Variants in BICC1 observed in about 807,000 individuals in gnomAD.
BICC1 encodes the protein protein bicaudal C homolog 1.
Under a neutral mutation model 111.0 loss-of-function variants are expected in BICC1, and 43 were observed. The ratio of observed to expected loss-of-function variants is 0.39; its 90% confidence interval spans 0.30 to 0.50. The LOEUF (loss-of-function observed/expected upper bound fraction) is 0.50. Ranked by LOEUF, BICC1 falls within the 20% of genes least tolerant of loss-of-function variation. The pLI is 0.88. For missense variants in BICC1, 1,091 were observed against 1,203.2 expected (o/e 0.91, Z 1.38); for synonymous variants, 467 against 434.4 (o/e 1.07, Z -0.93).
intron 2 of BICC1, among the ~76,000 whole-genome samples, chr10:58,669,577 G>A (rs1043822469): frequency 1.3e-5 from 2 of 152,042 alleles, no homozygotes; most frequent in African/African-American, 4.8e-5. Flanking sequence ...TGGAAATTAA[G>A]GCTAGAAACA....
chr10:58,516,323 T>G (rs1896245), intron 1 of BICC1, among the ~76,000 whole-genome samples: 82,062 of 151,998 alleles, frequency 0.54, 23,212 homozygotes, highest in African/African-American at 0.71. Flanking sequence ...TATTAGTAGA[T>G]AAATTCTTCT....
Position 58,674,304 on chromosome 10 carries a change from GT to G in BICC1, c.238-27759del, listed in dbSNP as rs1363625434. Among the ~76,000 whole-genome samples the G allele has an allele frequency of 7.6e-3, 1,126 of 147,612 alleles. 15 individuals are homozygous for G. Among genetic ancestry groups the G allele is most frequent in the African/African-American group, 0.025 (1,016 of 40,372 alleles). ...ATTTATCCTTGTCATTGTACTATTG[GT>G]TTTTTTTTTTCGTGGTAGAGTGAAA... On this transcript the variant is annotated intron_variant, in intron 2 of 20. Coordinates refer to ENST00000373886, the MANE Select transcript of BICC1 (RefSeq NM_001080512.3).
At chr10:58,813,068 A>G (rs2132936593) in intron 17 of BICC1, among the ~76,000 whole-genome samples, 1 of 152,262 alleles carries the variant, frequency 6.6e-6, no homozygotes, top group South Asian at 2.1e-4. Context: ...ATGCCATTGC[A>G]AGATTGAATT....
At chr10:58,581,612 C>A (rs1325665365) in intron 1 of BICC1, among the ~76,000 whole-genome samples, 1 of 152,174 alleles carries the variant, frequency 6.6e-6, no homozygotes, top group Non-Finnish European at 1.5e-5. Context: ...ATTTATCATA[C>A]TGTAGTCTTA....
chr10:58,719,933 G>T (rs992143073), intron 3 of BICC1, among the ~76,000 whole-genome samples: 1 of 152,118 alleles, frequency 6.6e-6, no homozygotes, highest in Admixed American at 6.5e-5. Context: ...AATCAGACAA[G>T]CCTACTTCTT....
intron 3 of BICC1, among the ~76,000 whole-genome samples, chr10:58,747,008 C>T (rs1318703978): frequency 6.6e-6 from 1 of 152,118 alleles, no homozygotes. Context: ...TCCCCAGCAA[C>T]AGAAACCAAG....
intron 4 of BICC1, 60 bp from the exon 5 acceptor site, chr10:58,786,863 T>G: frequency 1.5e-6 from 2 of 1,314,848 alleles, no homozygotes; most frequent in Non-Finnish European, 2.0e-6. Flanking sequence ...GGGAAAGACA[T>G]TTAGGAGGTC....
chr10:58,748,910 G>T (rs897707230), intron 3 of BICC1, among the ~76,000 whole-genome samples: 1 of 152,088 alleles, frequency 6.6e-6, no homozygotes, highest in Non-Finnish European at 1.5e-5. Flanking sequence ...GGTCCTTCCA[G>T]TTTCTCCATT....
At chr10:58,606,035 A>T (rs1369643758) in intron 1 of BICC1, among the ~76,000 whole-genome samples, 1 of 151,902 alleles carries the variant, frequency 6.6e-6, no homozygotes, top group Admixed American at 6.6e-5. Flanking sequence ...CATGGTTAAG[A>T]TTTCAGATAA....
At chr10:58,744,371 A>C (rs1292991951) in intron 3 of BICC1, among the ~76,000 whole-genome samples, 2 of 152,088 alleles carry the variant, frequency 1.3e-5, no homozygotes, top group African/African-American at 4.8e-5. Context: ...TCTTCCAAAG[A>C]AAAATTTTAT....
intron 2 of BICC1, among the ~76,000 whole-genome samples, chr10:58,681,311 C>T (rs904831712): frequency 5.3e-5 from 8 of 151,878 alleles, no homozygotes; most frequent in African/African-American, 1.9e-4. Context: ...GGAACTTAGA[C>T]TAATAAGAAA....
At chr10:58,622,635 G>T (rs560182362) in intron 2 of BICC1, among the ~76,000 whole-genome samples, 1 of 152,158 alleles carries the variant, frequency 6.6e-6, no homozygotes, top group Non-Finnish European at 1.5e-5. Context: ...CTTTTCCATA[G>T]ATAGGTGTCC....
intron 1 of BICC1, among the ~76,000 whole-genome samples, chr10:58,545,220 G>A (rs576506322): frequency 6.6e-6 from 1 of 152,146 alleles, no homozygotes; most frequent in East Asian, 1.9e-4. Flanking sequence ...TAGGATACAC[G>A]ATTAGTCTTT....
At chr10:58,558,415 T>C (rs1231566003) in intron 1 of BICC1, among the ~76,000 whole-genome samples, 1 of 152,142 alleles carries the variant, frequency 6.6e-6, no homozygotes. Context: ...TTCATGCTTT[T>C]CGCGTCACAA....
At chr10:58,544,534 G>C (rs1290060441) in intron 1 of BICC1, among the ~76,000 whole-genome samples, 2 of 152,052 alleles carry the variant, frequency 1.3e-5, no homozygotes, top group Non-Finnish European at 2.9e-5. Context: ...GTTTAGCAGT[G>C]AAGTATGGAT....
In BICC1 at chr10:58,829,049, G is replaced by T; in HGVS notation, c.*158G>T. ...TGTACTTTATGGCAAAAAGGAAGAAGAGAGAGAAGATGTTCTTATGATGTC... is the reference window on the plus strand; with the variant it reads ...TGTACTTTATGGCAAAAAGGAAGAATAGAGAGAAGATGTTCTTATGATGTC... On this transcript the variant is annotated 3_prime_UTR_variant, in exon 21 of 21. Transcript: ENST00000373886. The T allele has an allele frequency of 1.3e-6, 1 of 776,252 alleles. No individual in the cohort carries two copies. The highest frequency in any genetic ancestry group is 2.8e-5 in the East Asian group (1 of 35,966). The allele number at this position is 776,252 out of a possible 1,614,324, so 48.1% of individuals were successfully genotyped here.
intron 2 of BICC1, among the ~76,000 whole-genome samples, chr10:58,659,232 T>A (rs767705816): frequency 5.9e-5 from 9 of 152,188 alleles, no homozygotes; most frequent in Admixed American, 1.3e-4. Flanking sequence ...ATCCCATAAT[T>A]GGGTATGTAC....
At chr10:58,627,752 G>T (rs570112284) in intron 2 of BICC1, among the ~76,000 whole-genome samples, 2 of 152,174 alleles carry the variant, frequency 1.3e-5, no homozygotes, top group African/African-American at 4.8e-5. Flanking sequence ...ATATCTTAGC[G>T]GGGGCATAGG....
intron 8 of BICC1, among the ~76,000 whole-genome samples, chr10:58,792,790 T>C (rs1486797634): frequency 6.6e-6 from 1 of 152,122 alleles, no homozygotes; most frequent in African/African-American, 2.4e-5. Flanking sequence ...GTGATAATAA[T>C]AGTAATAAAG....
Sources: gnomAD v4.1 joint callset for allele counts (sites outside exome capture counted in the v4.1 genomes callset) on GRCh38, gnomAD v4.1.1 for gene constraint, MANE v1.5 for transcripts, NCBI Gene and HGNC (gene_info 2026-07-23, HGNC 2026-07-21) for gene names.